Variants in GRIK1 observed in about 807,000 individuals in gnomAD.
GRIK1 encodes the protein glutamate ionotropic receptor kainate type subunit 1.
GRIK1 carries 69 observed loss-of-function variants against 105.7 expected under a neutral mutation model. That is an observed-to-expected ratio of 0.65 (90% CI 0.54 to 0.80). The LOEUF is 0.80. Among genes scored for constraint, GRIK1 ranks in the 30% least tolerant of loss-of-function variants. The pLI is 0.00. For synonymous variants in GRIK1, 438 were observed against 431.3 expected (o/e 1.02, Z -0.19); for missense variants, 1,109 against 1,167.3 (o/e 0.95, Z 0.73).
chr21:29,764,614 C>T (rs1249150064), intron 1 of GRIK1, among the ~76,000 whole-genome samples: 1 of 152,174 alleles, frequency 6.6e-6, no homozygotes, highest in Non-Finnish European at 1.5e-5. Flanking sequence ...TGTCCAAATT[C>T]CCCTAGGCAA....
At chr21:29,735,561 A>G (rs538042879) in intron 1 of GRIK1, among the ~76,000 whole-genome samples, 18 of 152,276 alleles carry the variant, frequency 1.2e-4, no homozygotes, top group African/African-American at 4.1e-4. Context: ...CTAAGTAACC[A>G]TATCATACTT....
intron 1 of GRIK1, among the ~76,000 whole-genome samples, chr21:29,846,467 A>AAGAAAGAG (rs1322958640): frequency 2.4e-4 from 8 of 33,968 alleles, no homozygotes; most frequent in African/African-American, 4.2e-4. Context: ...GAGAGAGAGA[A>AAGAAAGAG]AGAAAGAAAG....
rs1021387685 is a variant in GRIK1 at position 29,686,492 on chromosome 21, C to T, written c.544+3236G>A. On this transcript the variant is annotated intron_variant, in intron 3 of 17. Transcript: ENST00000327783. ...GAGCTGAACCCACTTCATATGTGTA[C>T]AAAATTACAATCTTAGTTTTTAGCT... 3.9e-5 allele frequency among the ~76,000 whole-genome samples: 6 copies of T among 152,296 alleles called. No homozygotes were observed. In the East Asian group the frequency reaches 1.2e-3, roughly 29 times the overall value.
At chr21:29,585,166 T>C (rs2091103405) in intron 12 of GRIK1, among the ~76,000 whole-genome samples, 1 of 152,108 alleles carries the variant, frequency 6.6e-6, no homozygotes, top group Non-Finnish European at 1.5e-5. Flanking sequence ...GGCTTATAAA[T>C]GATACTCTCG....
At chr21:29,859,943 T>C (rs467545) in intron 1 of GRIK1, among the ~76,000 whole-genome samples, 51,029 of 152,006 alleles carry the variant, frequency 0.34, 9,573 homozygotes, top group African/African-American at 0.5. Flanking sequence ...TGAGAAACCA[T>C]CTATAGTACT....
At chr21:29,760,753 A>G (rs1275663228) in intron 1 of GRIK1, among the ~76,000 whole-genome samples, 1 of 152,194 alleles carries the variant, frequency 6.6e-6, no homozygotes, top group Non-Finnish European at 1.5e-5. Flanking sequence ...AGTGGCTTAG[A>G]TTGAGTCACT....
rs144351794 is a variant in GRIK1, at chr21:29,802,867, A to G, written c.119-108804T>C. ...ATCCCGGATCTTCCACTAGTATGCT[A>G]TATGACTCACAATACGTTGCATGTT... On this transcript the variant is annotated intron_variant, in intron 1 of 17. Transcript: ENST00000327783. Among the ~76,000 whole-genome samples the G allele has an allele frequency of 7.0e-4, 106 of 152,276 alleles. No individual in the cohort carries two copies. In the East Asian group the frequency reaches 0.019, roughly 27 times the overall value.
chr21:29,668,837 A>G (rs1254870595), intron 4 of GRIK1, among the ~76,000 whole-genome samples: 1 of 152,200 alleles, frequency 6.6e-6, no homozygotes, highest in Non-Finnish European at 1.5e-5. Context: ...AACAGCGAAG[A>G]GTCGGCGAAA....
rs896071027 is a variant in GRIK1, at chr21:29,595,166, A to G, written c.1251+1360T>C. Reference sequence around the variant, plus strand: ...AAGAGGCATGAAGGCATGGAGGATCAAGATCAGAAAGTTACAACCCTCGGG... The same window carrying G: ...AAGAGGCATGAAGGCATGGAGGATCGAGATCAGAAAGTTACAACCCTCGGG... On this transcript the variant is annotated intron_variant, in intron 9 of 17. Transcript: ENST00000327783. Among the ~76,000 whole-genome samples the G allele has an allele frequency of 2.6e-5, 4 of 152,102 alleles. No homozygotes were observed. In the East Asian group the frequency reaches 7.7e-4, roughly 29 times the overall value.
At chr21:29,575,559 C>T (rs924653780) in intron 14 of GRIK1, among the ~76,000 whole-genome samples, 3 of 152,058 alleles carry the variant, frequency 2.0e-5, no homozygotes, top group African/African-American at 7.2e-5. Context: ...CCTGGCTGAG[C>T]GTAGTGGCTC....
intron 1 of GRIK1, among the ~76,000 whole-genome samples, chr21:29,875,233 C>T (rs978751301): frequency 6.6e-6 from 1 of 151,906 alleles, no homozygotes; most frequent in African/African-American, 2.4e-5. Context: ...GAAAACACTC[C>T]GAGTCCCTGG....
intron 1 of GRIK1, among the ~76,000 whole-genome samples, chr21:29,881,416 C>T (rs1247749410): frequency 6.6e-6 from 1 of 151,988 alleles, no homozygotes; most frequent in African/African-American, 2.4e-5. Flanking sequence ...TTTGGAGATA[C>T]TCAGTTTTTA....
chr21:29,611,633 A>C (rs2061732020), intron 7 of GRIK1, among the ~76,000 whole-genome samples: 1 of 152,152 alleles, frequency 6.6e-6, no homozygotes, highest in African/African-American at 2.4e-5. Context: ...GAGAGGAAAG[A>C]GATCCTAAAG....
At chr21:29,651,464 GA>G (rs2062736630) in intron 5 of GRIK1, among the ~76,000 whole-genome samples, 173 bp from the exon 6 acceptor site, 1 of 152,112 alleles carries the variant, frequency 6.6e-6, no homozygotes, top group African/African-American at 2.4e-5. Flanking sequence ...ATGTTAAATG[GA>G]AAACTTCAGA....
chr21:29,777,577 T>C (rs1419610777), intron 1 of GRIK1, among the ~76,000 whole-genome samples: 1 of 152,108 alleles, frequency 6.6e-6, no homozygotes, highest in Non-Finnish European at 1.5e-5. Flanking sequence ...TCTAATTGTG[T>C]TTGGAGCATA....
At chr21:29,739,372 A>T (rs935039828) in intron 1 of GRIK1, among the ~76,000 whole-genome samples, 1 of 152,178 alleles carries the variant, frequency 6.6e-6, no homozygotes, top group Non-Finnish European at 1.5e-5. Flanking sequence ...TGTGGATAGA[A>T]GTTGAAGTCA....
chr21:29,608,324 A>T (rs115353566), intron 7 of GRIK1, among the ~76,000 whole-genome samples: 1 of 152,166 alleles, frequency 6.6e-6, no homozygotes, highest in Admixed American at 6.5e-5. Context: ...AGTATAGTGA[A>T]TGGCAAAGCA....
At chr21:29,794,954 C>CG (rs2066516534) in intron 1 of GRIK1, among the ~76,000 whole-genome samples, 1 of 150,716 alleles carries the variant, frequency 6.6e-6, no homozygotes, top group Non-Finnish European at 1.5e-5. Flanking sequence ...CAGAGATGTC[C>CG]TGGGCAAACA....
At chr21:29,802,650 T>TGAC (rs1391636604) in intron 1 of GRIK1, among the ~76,000 whole-genome samples, 2 of 152,126 alleles carry the variant, frequency 1.3e-5, no homozygotes, top group Non-Finnish European at 2.9e-5. Flanking sequence ...CTATTCACAC[T>TGAC]GACTGAAATG....
Sources: gnomAD v4.1 joint callset for allele counts (sites outside exome capture counted in the v4.1 genomes callset) on GRCh38, gnomAD v4.1.1 for gene constraint, MANE v1.5 for transcripts, NCBI Gene and HGNC (gene_info 2026-07-23, HGNC 2026-07-21) for gene names.